FARS2: variants seen among roughly 807,000 people sequenced by gnomAD.
The protein encoded by FARS2 is phenylalanyl-tRNA synthetase 2, mitochondrial.
FARS2 carries 40 observed loss-of-function variants against 46.4 expected under a neutral mutation model. The observed-to-expected ratio is 0.86, with a 90% CI of 0.67 to 1.12. The LOEUF (loss-of-function observed/expected upper bound fraction) is 1.12. FARS2 is among the 50% of genes most tolerant of loss of function. The pLI, the probability that FARS2 is intolerant of heterozygous loss-of-function variation, is 0.00. For missense variants in FARS2, 513 were observed against 567.9 expected (o/e 0.90, Z 0.98); for synonymous variants, 234 against 214.9 (o/e 1.09, Z -0.78).
At chr6:5,487,647 G>A (rs564585432) in intron 4 of FARS2, among the ~76,000 whole-genome samples, 4 of 152,298 alleles carry the variant, frequency 2.6e-5, no homozygotes, top group Admixed American at 2.6e-4. Flanking sequence ...GGCAGATTCT[G>A]TGGTCTCCCC....
At chr6:5,398,189 C>G (rs1761022680) in intron 2 of FARS2, among the ~76,000 whole-genome samples, 1 of 152,106 alleles carries the variant, frequency 6.6e-6, no homozygotes, top group African/African-American at 2.4e-5. Flanking sequence ...GCCCTATTAA[C>G]TTTGGATTCC....
At chr6:5,628,370 C>A (rs1368529141) in intron 6 of FARS2, among the ~76,000 whole-genome samples, 1 of 152,178 alleles carries the variant, frequency 6.6e-6, no homozygotes, top group Admixed American at 6.5e-5. Flanking sequence ...CCACTCTGTC[C>A]CTAGACCATC....
intron 2 of FARS2, among the ~76,000 whole-genome samples, chr6:5,381,662 G>A (rs936904821): frequency 2.6e-5 from 4 of 152,184 alleles, no homozygotes; most frequent in Admixed American, 6.5e-5. Flanking sequence ...GGGTCACATT[G>A]CCATGCTGGG....
At chr6:5,652,053 G>T (rs189233944) in intron 6 of FARS2, among the ~76,000 whole-genome samples, 1 of 152,178 alleles carries the variant, frequency 6.6e-6, no homozygotes, top group Non-Finnish European at 1.5e-5. Context: ...GTGTGAAAGG[G>T]GATCTGACAG....
At chr6:5,307,504 CAT>C (rs1768793433) in intron 1 of FARS2, among the ~76,000 whole-genome samples, 1 of 152,194 alleles carries the variant, frequency 6.6e-6, no homozygotes, top group Admixed American at 6.5e-5. Flanking sequence ...TGCACACACA[CAT>C]GCACAATTTC....
intron 1 of FARS2, among the ~76,000 whole-genome samples, chr6:5,363,825 C>T (rs1234838685): frequency 6.6e-6 from 1 of 152,160 alleles, no homozygotes; most frequent in Non-Finnish European, 1.5e-5. Context: ...TATCTTTTGC[C>T]CACTTATATC....
At chr6:5,371,165 C>T (rs564768245) in intron 2 of FARS2, 1 of 984,302 alleles carries the variant, frequency 1.0e-6, no homozygotes, top group Non-Finnish European at 1.2e-6. Flanking sequence ...AGTTTTGGTT[C>T]CAAGAATGCT....
chr6:5,717,931 T>TAGAG (rs1175182131), intron 6 of FARS2, among the ~76,000 whole-genome samples: 2 of 118,514 alleles, frequency 1.7e-5, no homozygotes, highest in Admixed American at 7.7e-5. Context: ...TATATATATA[T>TAGAG]ATATACAGAG....
chr6:5,712,168 A>ACCTC (rs1759212567), intron 6 of FARS2, among the ~76,000 whole-genome samples: 1 of 152,110 alleles, frequency 6.6e-6, no homozygotes, highest in Non-Finnish European at 1.5e-5. Context: ...TGAAGTAGCT[A>ACCTC]CCTCCCCCTT....
intron 4 of FARS2, among the ~76,000 whole-genome samples, chr6:5,530,554 C>A (rs1769757012): frequency 6.6e-6 from 1 of 151,420 alleles, no homozygotes; most frequent in East Asian, 1.9e-4. Context: ...AAGAGAATAT[C>A]TTTGTTCTTG....
At position 5,629,986 on chromosome 6, in the gene FARS2, T is replaced by C. The variant is rs137910109; in HGVS notation, c.1217+16666T>C. Among the ~76,000 whole-genome samples, 876 of 152,158 alleles carry C rather than the reference T, an allele frequency of 5.8e-3. 8 individuals are homozygous for C. The highest frequency in any genetic ancestry group is 0.02 in the South Asian group (96 of 4,820). Reference sequence around the variant, plus strand: ...AGCAGTGCTTTGGTGGAGAAGATGATTTAGTGACTTTTGGACTTCCTGAGT... The same window carrying C: ...AGCAGTGCTTTGGTGGAGAAGATGACTTAGTGACTTTTGGACTTCCTGAGT... On this transcript the variant is annotated intron_variant, in intron 6 of 6. Coordinates refer to ENST00000274680, the MANE Select transcript of FARS2 (RefSeq NM_006567.5).
chr6:5,302,006 T>G (rs1768352194), intron 1 of FARS2, among the ~76,000 whole-genome samples: 2 of 152,272 alleles, frequency 1.3e-5, no homozygotes, highest in South Asian at 4.1e-4. Context: ...CTTATGTTGT[T>G]GGTCATTTAT....
chr6:5,315,766 T>G (rs569726145), intron 1 of FARS2, among the ~76,000 whole-genome samples: 79 of 43,308 alleles, frequency 1.8e-3, no homozygotes, highest in African/African-American at 6.0e-3. Flanking sequence ...TTCTTTTTTT[T>G]GGGGAGAAGA....
At position 5,341,208 on chromosome 6, in the gene FARS2, TATATATATATATATATATATA is replaced by T. The variant is rs1561969682; in HGVS notation, c.-21-27341_-21-27321del. Among the ~76,000 whole-genome samples the T allele has an allele frequency of 2.4e-3, 13 of 5,344 alleles. No individual in the cohort carries two copies. In the East Asian group the frequency reaches 0.03, roughly 12 times the overall value. 3.5% of individuals were successfully genotyped at this position (5,344 alleles called of 152,430 possible). On this transcript the variant is annotated intron_variant, in intron 1 of 6. Coordinates refer to ENST00000274680, the MANE Select transcript of FARS2 (RefSeq NM_006567.5). ...GGGGAGATATATATATATATATATA[TATATATATATATATATATATA>T]TATATATTTTTTTTTTTTTTTTTTT...
intron 1 of FARS2, among the ~76,000 whole-genome samples, chr6:5,321,383 T>C (rs1016935312): frequency 1.3e-5 from 2 of 152,106 alleles, no homozygotes; most frequent in African/African-American, 2.4e-5. Flanking sequence ...TCTAGAAGGA[T>C]GGGTGGGGCT....
intron 1 of FARS2, among the ~76,000 whole-genome samples, chr6:5,263,969 T>C (rs1765370476): frequency 6.6e-6 from 1 of 152,210 alleles, no homozygotes; most frequent in Admixed American, 6.5e-5. Flanking sequence ...CCCAGCACTT[T>C]GGGAGGTTGA....
chr6:5,722,674 G>A (rs1396485381), intron 6 of FARS2, among the ~76,000 whole-genome samples: 3 of 152,164 alleles, frequency 2.0e-5, no homozygotes, highest in Non-Finnish European at 4.4e-5. Context: ...GGGCTACACT[G>A]ATCGGGCCTG....
At chr6:5,257,757 C>T (rs759428692), upstream of FARS2, among the ~76,000 whole-genome samples, 4 of 152,130 alleles carry the variant, frequency 2.6e-5, no homozygotes, top group African/African-American at 7.2e-5. Context: ...AGTTTCATCC[C>T]GAAACCATCC....
At chr6:5,579,007 A>G (rs190055319) in intron 5 of FARS2, among the ~76,000 whole-genome samples, 2 of 152,162 alleles carry the variant, frequency 1.3e-5, no homozygotes, top group African/African-American at 4.8e-5. Flanking sequence ...AGTGAGTTTC[A>G]ATACACATAA....
Sources: allele counts gnomAD v4.1 joint callset (sites outside exome capture counted in the v4.1 genomes callset), GRCh38; gene constraint gnomAD v4.1.1; transcripts MANE v1.5; gene names NCBI Gene and HGNC (gene_info 2026-07-23, HGNC 2026-07-21).